DNAAF1: variants seen among roughly 807,000 people sequenced by gnomAD.
The protein encoded by DNAAF1 is dynein axonemal assembly factor 1.
DNAAF1 carries 65 observed loss-of-function variants against 71.1 expected under a neutral mutation model. The observed-to-expected ratio is 0.91, with a 90% CI of 0.75 to 1.12. The LOEUF (loss-of-function observed/expected upper bound fraction) is 1.12. DNAAF1 is among the 50% of genes most tolerant of loss of function. The pLI, the probability that DNAAF1 is intolerant of heterozygous loss-of-function variation, is 0.00. For synonymous variants in DNAAF1, 414 were observed against 354.6 expected, an observed-to-expected ratio of 1.17 and a Z score of -1.88; for missense variants, 1,178 against 899.8, an observed-to-expected ratio of 1.31 and a Z score of -3.96.
intron 7 of DNAAF1, among the ~76,000 whole-genome samples, chr16:84,167,418 C>T (rs750859502): frequency 1.3e-5 from 2 of 152,098 alleles, no homozygotes; most frequent in Admixed American, 1.3e-4. Context: ...TTTCCAGCCC[C>T]TCTGCCCTCT....
Position 84,175,687 on chromosome 16 carries a change from G to C in DNAAF1, c.1699-246G>C, listed in dbSNP as rs1242254108. The C allele has an allele frequency of 5.5e-6, 3 of 544,494 alleles. No homozygotes were observed. In the East Asian group the frequency reaches 9.7e-5, roughly 18 times the overall value. The allele number at this position is 544,494 out of a possible 1,614,324, so 33.7% of individuals were successfully genotyped here. On this transcript the variant is annotated intron_variant, in intron 10 of 11. Transcript: ENST00000378553. ...GGGTGCGCCCTCTCAGGTACCAGGA[G>C]GGTGAGGAATAGCCAGTGGCTGGGG...
At chr16:84,172,715 G>T (rs1436148785) in intron 9 of DNAAF1, 9 of 1,181,526 alleles carry the variant, frequency 7.6e-6, no homozygotes, top group Non-Finnish European at 9.6e-6. Context: ...CTGACTAGTT[G>T]CCTTATCCAA....
intron 6 of DNAAF1, chr16:84,162,132 T>G (rs987134857): frequency 6.6e-6 from 1 of 152,252 alleles, no homozygotes; most frequent in East Asian, 1.9e-4. Flanking sequence ...TCTGCTATAG[T>G]ATACTTTGCA....
intron 10 of DNAAF1, 119 bp downstream of exon 10, chr16:84,174,841 T>G: frequency 3.1e-6 from 1 of 319,632 alleles, no homozygotes; most frequent in South Asian, 6.0e-5. Flanking sequence ...AAGCATTGAA[T>G]TCCCCCATAT....
intron 7 of DNAAF1, among the ~76,000 whole-genome samples, chr16:84,169,312 C>T (rs927234402): frequency 1.3e-5 from 2 of 151,736 alleles, no homozygotes; most frequent in Admixed American, 6.6e-5. Context: ...TTTTGAACTC[C>T]TGATGTCAAA....
intron 3 of DNAAF1, among the ~76,000 whole-genome samples, chr16:84,152,897 C>T (rs925590681): frequency 6.6e-6 from 1 of 150,592 alleles, no homozygotes; most frequent in Non-Finnish European, 1.5e-5. Flanking sequence ...GTGTAGGTTA[C>T]AGTGAGCCGA....
Position 84,145,577 on chromosome 16 carries a change from C to T in DNAAF1, c.124+13C>T, listed in dbSNP as rs899133639. 2.6e-6 allele frequency: 4 copies of T among 1,544,418 alleles called. No homozygotes were observed. Among genetic ancestry groups the T allele is most frequent in the Admixed American group, 3.9e-5 (2 of 50,904 alleles). On this transcript the variant is annotated intron_variant, in intron 1 of 11. Transcript: ENST00000378553. ...GGCTGCAAGGAAGGTGCCGACTGCCCCCCAGGGAGGGCGGTGGGCGAGGGG... is the reference window on the plus strand; with the variant it reads ...GGCTGCAAGGAAGGTGCCGACTGCCTCCCAGGGAGGGCGGTGGGCGAGGGG...
chr16:84,171,382 G>T (rs761147373), intron 8 of DNAAF1, among the ~76,000 whole-genome samples: 2 of 152,190 alleles, frequency 1.3e-5, no homozygotes, highest in Non-Finnish European at 2.9e-5. Flanking sequence ...GGGATGGGAG[G>T]TCGAGGCTGC....
chr16:84,173,450 C>T (rs1055745997), intron 9 of DNAAF1: 20 of 968,982 alleles, frequency 2.1e-5, no homozygotes, highest in Admixed American at 6.2e-5. Context: ...GGCGACAGAG[C>T]GAGACTCCAT....
At chr16:84,177,238 C>T (rs2088754044) in intron 11 of DNAAF1, 1 of 231,636 alleles carries the variant, frequency 4.3e-6, no homozygotes, top group Non-Finnish European at 8.6e-6. Flanking sequence ...GCCCGTGCAG[C>T]CTCGGGCGGG....
Position 84,154,787 on chromosome 16 carries a change from T to C in DNAAF1, c.563T>C (p.Ile188Thr), listed in dbSNP as rs2087333065. ...LNLSNNYIKT[I>T]ENLSCLPVLN... is the part of the protein sequence containing the mutation. ...CTCAGCAACAATTACATCAAGACCA[T>C]TGAAAACCTCTGTAAGGGTACCCAG... The change falls in exon 4 of 12, where the codon ATT becomes ACT. Residue 188 changes from isoleucine to threonine, a missense_variant. Coordinates refer to ENST00000378553, the MANE Select transcript of DNAAF1 (RefSeq NM_178452.6). 1.9e-6 allele frequency: 3 copies of C among 1,613,744 alleles called. No homozygotes were observed. Among genetic ancestry groups the C allele is most frequent in the East Asian group, 2.2e-5 (1 of 44,894 alleles).
At chr16:84,174,632 A>G in intron 9 of DNAAF1, 37 bp from the exon 10 acceptor site, 1 of 1,613,924 alleles carries the variant, frequency 6.2e-7, no homozygotes, top group Non-Finnish European at 8.5e-7. Flanking sequence ...CAGTGCGTGT[A>G]CCTCCCTGGT....
chr16:84,146,621 G>T (rs1186760720), intron 1 of DNAAF1, among the ~76,000 whole-genome samples: 1 of 152,066 alleles, frequency 6.6e-6, no homozygotes, highest in Non-Finnish European at 1.5e-5. Flanking sequence ...GGAGGCTAAG[G>T]CAGGAGAATT....
At position 84,149,026 on chromosome 16, in the gene DNAAF1, A is replaced by C. The variant is rs1314792778; in HGVS notation, c.144A>C (p.Glu48Asp). The stretch of plus-strand genomic sequence containing the variant: ...TTACAGAAATTAATGATCCTAAGGA[A>C]ATATGTGTGGGTTCTTCTGACACAT... Reference protein sequence around the residue: ...GCKEEINDPKEICVGSSDTSY... With the variant: ...GCKEEINDPKDICVGSSDTSY... Residue 48 changes from glutamate to aspartate, a missense_variant, in exon 2 of 12, where the codon GAA (glutamate) becomes GAC (aspartate). By Grantham distance (45) the Glu-to-Asp change is conservative. Coordinates refer to ENST00000378553, the MANE Select transcript of DNAAF1 (RefSeq NM_178452.6). 6.2e-7 allele frequency: 1 copy of C among 1,614,038 alleles called. No individual in the cohort carries two copies. Among genetic ancestry groups the C allele is most frequent in the African/African-American group, 1.3e-5 (1 of 74,928 alleles).
chr16:84,168,150 C>T (rs1019161028), intron 7 of DNAAF1, among the ~76,000 whole-genome samples: 1 of 152,178 alleles, frequency 6.6e-6, no homozygotes, highest in African/African-American at 2.4e-5. Context: ...CAGGGGAGAA[C>T]CCGCTTCCTT....
rs77761071 is a variant in DNAAF1, at chr16:84,159,536, A to G, written c.742-139A>G. 8,040 of 1,196,570 alleles carry G rather than the reference A, an allele frequency of 6.7e-3. 364 individuals carry two copies. In the African/African-American group the frequency reaches 0.11, roughly 16 times the overall value. The allele number at this position is 1,196,570 out of a possible 1,614,324, so 74.1% of individuals were successfully genotyped here. On this transcript the variant is annotated intron_variant, in intron 5 of 11. Coordinates refer to ENST00000378553, the MANE Select transcript of DNAAF1 (RefSeq NM_178452.6). ...GGAAACCTTCCGATTTCTCCCATCA[A>G]GTCACCAGGACAGGATATTGGCACT...
intron 3 of DNAAF1, among the ~76,000 whole-genome samples, chr16:84,153,009 C>G (rs1233199893): frequency 6.6e-6 from 1 of 151,602 alleles, no homozygotes; most frequent in African/African-American, 2.4e-5. Context: ...AGGTTTGGAC[C>G]TTATTTGTAT....
chr16:84,148,890 A>G (rs986721449), intron 1 of DNAAF1, 117 bp from the exon 2 acceptor site: 3 of 1,205,092 alleles, frequency 2.5e-6, no homozygotes, highest in African/African-American at 1.5e-5. Flanking sequence ...ATACCCAGCC[A>G]CTAAAGAATA....
At chr16:84,174,166 C>G (rs1347534755) in intron 9 of DNAAF1, 4 of 1,001,076 alleles carry the variant, frequency 4.0e-6, no homozygotes, top group Non-Finnish European at 4.8e-6. Context: ...GGCTCCAGTT[C>G]ATGCATCCAA....
Sources: gnomAD v4.1 joint callset for allele counts (sites outside exome capture counted in the v4.1 genomes callset) on GRCh38, gnomAD v4.1.1 for gene constraint, MANE v1.5 for transcripts, NCBI Gene and HGNC (gene_info 2026-07-23, HGNC 2026-07-21) for gene names.